DOP1B: variants seen among roughly 807,000 people sequenced by gnomAD.
The protein encoded by DOP1B is protein DOP1B.
A neutral mutation model predicts 233.5 loss-of-function variants in DOP1B; 174 were observed. The observed-to-expected ratio is 0.75, with a 90% CI of 0.66 to 0.85. The LOEUF (loss-of-function observed/expected upper bound fraction) is 0.85, where lower values mean the gene tolerates loss of function less well. Among genes scored for constraint, DOP1B ranks in the 40% least tolerant of loss-of-function variants. The pLI, the probability that DOP1B is intolerant of heterozygous loss-of-function variation, is 0.00. For synonymous variants in DOP1B, 1,190 were observed against 1,185.6 expected (o/e 1.00, Z -0.08); for missense variants, 2,652 against 2,846.6 (o/e 0.93, Z 1.56).
Position 36,231,079 on chromosome 21 carries a change from C to A in DOP1B, c.2295C>A (p.Val765=). 6.2e-7 allele frequency: 1 copy of A among 1,613,186 alleles called. No homozygotes were observed. The highest frequency in any genetic ancestry group is 8.5e-7 in the Non-Finnish European group (1 of 1,179,612). The change falls in exon 14 of 37, where the codon GTC becomes GTA. Residue 765 remains valine (V), a synonymous_variant. Transcript: ENST00000691173. ...TGCTGGATTGTGCCACTTTCCCTGT[C>A]TACCTGTCCGAGGAAGAGACCGAGC... ...HLLLDCATFP[V]YLSEEETEQL... is the part of the protein sequence containing the mutation.
intron 13 of DOP1B, among the ~76,000 whole-genome samples, chr21:36,229,661 C>CTTTT (rs373779563): frequency 3.1e-5 from 4 of 127,710 alleles, no homozygotes; most frequent in African/African-American, 1.2e-4. Flanking sequence ...CTTGCTTTAC[C>CTTTT]TTTTTTTTTT....
intron 23 of DOP1B, among the ~76,000 whole-genome samples, chr21:36,254,947 CTTT>C (rs35630827): frequency 3.1e-5 from 4 of 127,618 alleles, no homozygotes; most frequent in Admixed American, 8.2e-5. Flanking sequence ...ATTTGTGTAA[CTTT>C]TTTTTTTTTT....
intron 22 of DOP1B, among the ~76,000 whole-genome samples, chr21:36,253,229 A>C (rs2067052098): frequency 6.6e-6 from 1 of 152,120 alleles, no homozygotes; most frequent in Non-Finnish European, 1.5e-5. Flanking sequence ...CTGTCTTCGT[A>C]TTTTTGATTC....
intron 27 of DOP1B, among the ~76,000 whole-genome samples, chr21:36,273,850 C>T (rs1196220704): frequency 2.0e-5 from 3 of 151,894 alleles, no homozygotes; most frequent in Admixed American, 6.6e-5. Flanking sequence ...CCGAGGCGGG[C>T]GGATCACGAG....
chr21:36,228,301 A>G (rs1013272908), intron 13 of DOP1B, among the ~76,000 whole-genome samples: 19 of 152,062 alleles, frequency 1.2e-4, no homozygotes, highest in African/African-American at 3.6e-4. Flanking sequence ...CATCTCTATT[A>G]AAAATACAAA....
intron 2 of DOP1B, among the ~76,000 whole-genome samples, chr21:36,182,607 C>G (rs1361402893): frequency 6.6e-6 from 1 of 152,106 alleles, no homozygotes; most frequent in Non-Finnish European, 1.5e-5. Context: ...GGCGGGAGGA[C>G]AGCTTGAGGC....
At chr21:36,157,318 C>A (rs1489751291) in intron 1 of DOP1B, among the ~76,000 whole-genome samples, 1 of 152,174 alleles carries the variant, frequency 6.6e-6, no homozygotes, top group Non-Finnish European at 1.5e-5. Flanking sequence ...GGGGCCGGCC[C>A]ACGAAGAGAC....
intron 3 of DOP1B, among the ~76,000 whole-genome samples, chr21:36,199,942 G>A (rs1042193813): frequency 2.0e-5 from 3 of 152,140 alleles, no homozygotes; most frequent in African/African-American, 7.2e-5. Context: ...AATCCTTTGG[G>A]TATATACCCA....
At chr21:36,208,093 C>T (rs544972345) in intron 4 of DOP1B, among the ~76,000 whole-genome samples, 1 of 152,356 alleles carries the variant, frequency 6.6e-6, no homozygotes, top group East Asian at 1.9e-4. Context: ...ACAAGAGCCC[C>T]TGGGAGCGGG....
Position 36,237,356 on chromosome 21 carries a change from C to A in DOP1B, c.2717C>A (p.Ala906Asp), listed in dbSNP as rs761634207. ...VELFYRLHCL[A>D]PTANICEDII... ...TTGTTCTACCGGCTGCACTGCCTGG[C>A]CCCTACGGCCAACATCTGCGAGGAC... The change falls in exon 16 of 37, where the codon GCC becomes GAC. Residue 906 changes from alanine to aspartate, a missense_variant. By Grantham distance (126) the Ala-to-Asp change is moderately radical. This residue lies in a region of DOP1B where 2,617 missense variants were observed against 2,794.3 expected (regional missense o/e 0.94). Coordinates refer to ENST00000691173, the MANE Select transcript of DOP1B (RefSeq NM_001320714.2). The A allele has an allele frequency of 4.9e-5, 79 of 1,614,078 alleles. No individual in the cohort carries two copies. Among genetic ancestry groups the A allele is most frequent in the Non-Finnish European group, 6.5e-5 (77 of 1,180,050 alleles).
chr21:36,157,355 G>T (rs1362094071), intron 1 of DOP1B, among the ~76,000 whole-genome samples: 1 of 152,200 alleles, frequency 6.6e-6, no homozygotes, highest in Non-Finnish European at 1.5e-5. Context: ...CTGGTGCCCT[G>T]GCTGGGGAGG....
intron 36 of DOP1B, among the ~76,000 whole-genome samples, 190 bp downstream of exon 36, chr21:36,292,423 A>ATTTTG (rs1037460764): frequency 2.0e-5 from 3 of 149,928 alleles, no homozygotes; most frequent in South Asian, 2.1e-4. Context: ...CACCTGGCTA[A>ATTTTG]TTTTGTTTTG....
Position 36,251,267 on chromosome 21 carries a change from C to T in DOP1B, c.5104C>T (p.Arg1702Cys), listed in dbSNP as rs76166909. 0.012 allele frequency: 20,033 copies of T among 1,612,698 alleles called. 179 individuals carry two copies. The highest frequency in any genetic ancestry group is 0.014 in the Non-Finnish European group (16,779 of 1,179,622). Residue 1702 changes from arginine (R) to cysteine (C), a missense_variant, in exon 22 of 37, where the codon CGT (arginine) becomes TGT (cysteine). Physicochemically the swap from Arg to Cys is radical, Grantham distance 180 (BLOSUM62 -3). This residue lies in a region of DOP1B where 2,617 missense variants were observed against 2,794.3 expected (regional missense o/e 0.94). Coordinates refer to ENST00000691173, the MANE Select transcript of DOP1B (RefSeq NM_001320714.2). ...AAVWSRKKAQRHSKMKIIPTA... is the reference protein window; with the variant it reads ...AAVWSRKKAQCHSKMKIIPTA... ...AGTGTGGAGCAGAAAGAAAGCCCAG[C>T]GTCACAGTAAGATGAAGGTAAAGTT... is the stretch of plus-strand genomic sequence containing the variant.
At position 36,231,149 on chromosome 21, in the gene DOP1B, T is replaced by C; in HGVS notation, c.2350+15T>C. The C allele has an allele frequency of 6.4e-7, 1 of 1,559,598 alleles. No homozygotes were observed. The highest frequency in any genetic ancestry group is 8.7e-7 in the Non-Finnish European group (1 of 1,150,238). Reference sequence around the variant, plus strand: ...CCAGCTGCCAGGTGAGAGGCAGCCCTGCCGAAGTCCCTCTTTGGGAATCAT... The same window carrying C: ...CCAGCTGCCAGGTGAGAGGCAGCCCCGCCGAAGTCCCTCTTTGGGAATCAT... On this transcript the variant is annotated intron_variant, in intron 14 of 36. Coordinates refer to ENST00000691173, the MANE Select transcript of DOP1B (RefSeq NM_001320714.2).
At position 36,200,392 on chromosome 21, in the gene DOP1B, C is replaced by G. The variant is rs773077505; in HGVS notation, c.382C>G (p.Leu128Val). 2.4e-5 allele frequency: 39 copies of G among 1,613,734 alleles called. No homozygotes were observed. Among genetic ancestry groups the G allele is most frequent in the Non-Finnish European group, 2.8e-5 (33 of 1,180,010 alleles). ...GTCGGTGAGGCCGGTGCTGCTCACC[C>G]TGTACGAGAAGTACTTCCTCCCACT... ...AVSVRPVLLT[L>V]YEKYFLPLQK... Residue 128 changes from leucine to valine, a missense_variant, in exon 4 of 37, where the codon CTG (leucine) becomes GTG (valine). By Grantham distance (32) the Leu-to-Val change is conservative. Around this residue, in one of 3 missense-constraint regions of DOP1B, gnomAD observed 2,617 missense variants for 2,794.3 expected, o/e 0.94. Transcript: ENST00000691173.
rs903827373 is a variant in DOP1B at position 36,280,320 on chromosome 21, A to G, written c.6005A>G (p.Glu2002Gly). 10 of 1,610,452 alleles carry G rather than the reference A, an allele frequency of 6.2e-6. No homozygotes were observed. The highest frequency in any genetic ancestry group is 8.5e-6 in the Non-Finnish European group (10 of 1,177,926). Residue 2002 changes from glutamate (E) to glycine (G), a missense_variant, in exon 31 of 37, where the codon GAG becomes GGG. Physicochemically the swap from Glu to Gly is moderately conservative, Grantham distance 98. Transcript: ENST00000691173. Reference protein sequence around the residue: ...KSIIDHLLTHEKTMFKDLMNM... With the variant: ...KSIIDHLLTHGKTMFKDLMNM... ...ATTATTGACCATCTTTTGACTCATG[A>G]GAAAACAATGTTTAAGGATTTAATG...
At chr21:36,229,460 G>A (rs1246712143) in intron 13 of DOP1B, among the ~76,000 whole-genome samples, 1 of 152,078 alleles carries the variant, frequency 6.6e-6, no homozygotes, top group Non-Finnish European at 1.5e-5. Flanking sequence ...GTCTGTCTCT[G>A]TGTCCAGATC....
rs1035974087 is a variant in DOP1B at position 36,245,460 on chromosome 21, C to T, written c.3480C>T (p.Ala1160=). Residue 1160 remains alanine, a synonymous_variant, in exon 19 of 37, where the codon GCC becomes GCT. Coordinates refer to ENST00000691173, the MANE Select transcript of DOP1B (RefSeq NM_001320714.2). The surrounding 1 kb of genome is among the most constrained non-coding windows in gnomAD (Gnocchi z 5.5). ...MGGRAYPKRS[A]LLAAFQSESF... is the part of the protein sequence containing the mutation. ...GCAGGGCGTACCCCAAGCGCTCGGC[C>T]CTGCTGGCGGCCTTCCAGTCAGAAA... 5.0e-6 allele frequency: 8 copies of T among 1,613,934 alleles called. No homozygotes were observed. Among genetic ancestry groups the T allele is most frequent in the East Asian group, 4.5e-5 (2 of 44,890 alleles).
chr21:36,158,903 G>A (rs139815213), intron 1 of DOP1B, among the ~76,000 whole-genome samples: 26 of 152,148 alleles, frequency 1.7e-4, no homozygotes, highest in African/African-American at 5.5e-4. Context: ...CGAGGTGGGC[G>A]GATCACCTTA....
Sources: gnomAD v4.1 joint callset for allele counts (sites outside exome capture counted in the v4.1 genomes callset) on GRCh38, gnomAD v4.1.1 for gene constraint, gnomAD v4.1.1 regional missense constraint, Gnocchi (gnomAD v3.1) non-coding constraint, MANE v1.5 for transcripts, NCBI Gene and HGNC (gene_info 2026-07-23, HGNC 2026-07-21) for gene names.